Variants in TMEM131 observed in about 807,000 individuals in gnomAD.
The protein encoded by TMEM131 is 2610524E03Rik.
TMEM131 carries 66 observed loss-of-function variants against 211.6 expected under a neutral mutation model. That is an observed-to-expected ratio of 0.31 (90% CI 0.26 to 0.38). The LOEUF (loss-of-function observed/expected upper bound fraction) is 0.38. Ranked by LOEUF, TMEM131 falls within the 10% of genes least tolerant of loss-of-function variation. The pLI, the probability that TMEM131 is intolerant of heterozygous loss-of-function variation, is 1.00. For synonymous variants in TMEM131, 844 were observed against 841.3 expected, an observed-to-expected ratio of 1.00 and a Z score of -0.06; for missense variants, 2,036 against 2,299.3, an observed-to-expected ratio of 0.89 and a Z score of 2.34.
intron 29 of TMEM131, among the ~76,000 whole-genome samples, chr2:97,794,624 T>C (rs971333618): frequency 1.3e-5 from 2 of 152,242 alleles, no homozygotes; most frequent in South Asian, 2.1e-4. Context: ...CTAGGTACTA[T>C]TGTGTTAAGT....
intron 22 of TMEM131, among the ~76,000 whole-genome samples, chr2:97,803,555 C>A (rs1054818937): frequency 1.3e-5 from 2 of 152,174 alleles, no homozygotes; most frequent in Non-Finnish European, 2.9e-5. Context: ...CATATTTTAA[C>A]CCCTAACTCT....
chr2:97,894,402 T>C (rs903503726), intron 3 of TMEM131, among the ~76,000 whole-genome samples: 2 of 152,222 alleles, frequency 1.3e-5, no homozygotes, highest in African/African-American at 4.8e-5. Context: ...AGTAGTTTTT[T>C]TCAATTCTGT....
intron 1 of TMEM131, among the ~76,000 whole-genome samples, chr2:97,948,391 G>C (rs184042481): frequency 1.6e-4 from 24 of 152,180 alleles, no homozygotes; most frequent in Non-Finnish European, 2.9e-4. Context: ...CAAAAAAGAT[G>C]TGAACAGACA....
At chr2:97,995,007 G>A (rs902319613) in intron 1 of TMEM131, among the ~76,000 whole-genome samples, 15 of 152,204 alleles carry the variant, frequency 9.9e-5, no homozygotes, top group Non-Finnish European at 1.9e-4. Flanking sequence ...ACTAAAGGAG[G>A]AAGCTACAGG....
chr2:97,806,881 A>C (rs556517110), intron 19 of TMEM131, among the ~76,000 whole-genome samples: 1 of 152,280 alleles, frequency 6.6e-6, no homozygotes, highest in Non-Finnish European at 1.5e-5. Context: ...TTTACAGCCC[A>C]GTGAGGCTAA....
At chr2:97,814,529 GTGAT>G in intron 13 of TMEM131, 141 bp from the exon 14 acceptor site, 2 of 872,558 alleles carry the variant, frequency 2.3e-6, no homozygotes, top group Non-Finnish European at 3.3e-6. Flanking sequence ...TAATATTTTA[GTGAT>G]TGACTATATG....
At chr2:97,843,848 AGT>A (rs1230103200) in intron 6 of TMEM131, among the ~76,000 whole-genome samples, 1 of 152,236 alleles carries the variant, frequency 6.6e-6, no homozygotes, top group Non-Finnish European at 1.5e-5. Context: ...ATGCTTCATA[AGT>A]GTGTAAAAGT....
intron 1 of TMEM131, among the ~76,000 whole-genome samples, chr2:97,935,700 A>T (rs1677413130): frequency 6.6e-6 from 1 of 152,236 alleles, no homozygotes; most frequent in African/African-American, 2.4e-5. Context: ...AAAATGGCAA[A>T]GTTAGGGACA....
intron 1 of TMEM131, among the ~76,000 whole-genome samples, chr2:97,993,407 C>T (rs911744663): frequency 1.3e-5 from 2 of 152,008 alleles, no homozygotes; most frequent in Admixed American, 1.3e-4. Context: ...GTCACAATCA[C>T]GTAAGAAAAT....
intron 1 of TMEM131, among the ~76,000 whole-genome samples, chr2:97,951,288 T>C (rs1379289936): frequency 6.6e-6 from 1 of 152,232 alleles, no homozygotes; most frequent in Non-Finnish European, 1.5e-5. Flanking sequence ...GTGATGGTAA[T>C]ATGTGTCTGC....
rs368663461 is a variant in TMEM131, at chr2:97,772,380, A to C, written c.4365T>G (p.His1455Gln). The C allele has an allele frequency of 6.0e-5, 97 of 1,609,430 alleles. No individual in the cohort carries two copies. Among genetic ancestry groups the C allele is most frequent in the Non-Finnish European group, 8.1e-5 (95 of 1,178,928 alleles). The change falls in exon 33 of 41, where the codon CAT (histidine) becomes CAG (glutamine). Residue 1455 changes from histidine (H) to glutamine (Q), a missense_variant. His to Gln is a conservative substitution (Grantham distance 24, BLOSUM62 0). Coordinates refer to ENST00000186436, the MANE Select transcript of TMEM131 (RefSeq NM_015348.2). ...GCTTCACTTGAGACATTTCACTTTC[A>C]TGTTTTTCAGGCATGGCTTGTTTTC... ...QKGKQAMPEK[H>Q]ESEMSQVKQK... is the part of the protein sequence containing the mutation.
intron 1 of TMEM131, among the ~76,000 whole-genome samples, chr2:97,946,102 T>A (rs1678025068): frequency 6.6e-6 from 1 of 152,132 alleles, no homozygotes; most frequent in Non-Finnish European, 1.5e-5. Context: ...AGGGATTTTA[T>A]CTTGCATTAC....
At chr2:97,897,251 T>C (rs546321961) in intron 3 of TMEM131, among the ~76,000 whole-genome samples, 2 of 152,222 alleles carry the variant, frequency 1.3e-5, no homozygotes, top group South Asian at 4.1e-4. Context: ...TCCTTTCCAA[T>C]CTGATGGCTC....
chr2:97,814,516 C>CTA (rs1414643853), intron 13 of TMEM131, 128 bp from the exon 14 acceptor site: 3 of 960,638 alleles, frequency 3.1e-6, no homozygotes, highest in Non-Finnish European at 2.9e-6. Context: ...AGATTTAGAA[C>CTA]TATAATATTT....
At chr2:97,909,900 T>C (rs1676225643) in intron 2 of TMEM131, among the ~76,000 whole-genome samples, 2 of 152,344 alleles carry the variant, frequency 1.3e-5, no homozygotes, top group Non-Finnish European at 2.9e-5. Flanking sequence ...TTCTATTTTC[T>C]GTAAAGAAAA....
At chr2:97,833,336 A>G in intron 11 of TMEM131, 29 bp downstream of exon 11, 2 of 1,019,724 alleles carry the variant, frequency 2.0e-6, no homozygotes, top group Non-Finnish European at 2.9e-6. Context: ...GAATATATAA[A>G]TTAGGGGAAA....
intron 35 of TMEM131, among the ~76,000 whole-genome samples, chr2:97,765,844 C>T (rs1679134990): frequency 6.6e-6 from 1 of 151,688 alleles, no homozygotes; most frequent in South Asian, 2.1e-4. Flanking sequence ...GCACATTGGG[C>T]AGTGGTGTGC....
intron 8 of TMEM131, 130 bp from the exon 9 acceptor site, chr2:97,835,055 G>T: frequency 2.2e-6 from 2 of 928,076 alleles, no homozygotes; most frequent in South Asian, 2.0e-5. Context: ...AAAATGCATT[G>T]CTAATTAAAC....
chr2:97,865,260 C>T (rs1674226093), intron 4 of TMEM131, among the ~76,000 whole-genome samples: 2 of 152,204 alleles, frequency 1.3e-5, no homozygotes, highest in Admixed American at 1.3e-4. Context: ...GGATAACACA[C>T]ACAATGTTGT....
Sources: allele counts gnomAD v4.1 joint callset (sites outside exome capture counted in the v4.1 genomes callset), GRCh38; gene constraint gnomAD v4.1.1; transcripts MANE v1.5; gene names NCBI Gene and HGNC (gene_info 2026-07-23, HGNC 2026-07-21).